DNAH11: variants seen among roughly 807,000 people sequenced by gnomAD.
The protein encoded by DNAH11 is axonemal beta dynein heavy chain 11.
Under a neutral mutation model 526.0 loss-of-function variants are expected in DNAH11, and 442 were observed. The ratio of observed to expected loss-of-function variants is 0.84; its 90% CI spans 0.78 to 0.91. The LOEUF is 0.91. DNAH11 is among the 40% of genes least tolerant of loss of function. DNAH11 has a pLI of 0.00. For synonymous variants in DNAH11, 2,461 were observed against 1,935.9 expected (o/e 1.27, Z -7.12); for missense variants, 6,989 against 5,448.7 (o/e 1.28, Z -8.90).
chr7:21,817,944 T>C (rs1476175696), intron 64 of DNAH11, among the ~76,000 whole-genome samples: 1 of 152,188 alleles, frequency 6.6e-6, no homozygotes, highest in East Asian at 1.9e-4. Context: ...TTATTTCAAC[T>C]ACAGTTGCTA....
At chr7:21,874,052 A>C (rs986895118) in intron 74 of DNAH11, among the ~76,000 whole-genome samples, 4 of 151,764 alleles carry the variant, frequency 2.6e-5, no homozygotes, top group Non-Finnish European at 5.9e-5. Flanking sequence ...CGGCCTCCCA[A>C]AGTGCTGGGA....
intron 75 of DNAH11, 80 bp from the exon 76 acceptor site, chr7:21,884,211 G>A: frequency 1.5e-6 from 2 of 1,359,842 alleles, no homozygotes; most frequent in East Asian, 5.0e-5. Context: ...CATTGTGTTA[G>A]AGGGGCACGT....
At position 21,705,667 on chromosome 7, in the gene DNAH11, TG is replaced by T. The variant is rs1305137877; in HGVS notation, c.6546+131del. ...CCCACCATAATTTTGGGTCAGAATC[TG>T]AGACTGGAATCTTGCTGCTTGATCA... On this transcript the variant is annotated intron_variant, in intron 39 of 81. Coordinates refer to ENST00000409508, the MANE Select transcript of DNAH11 (RefSeq NM_001277115.2). 4.9e-6 allele frequency: 4 copies of T among 812,834 alleles called. No individual in the cohort carries two copies. In the East Asian group the frequency reaches 1.1e-4, roughly 23 times the overall value. 50.4% of individuals were successfully genotyped at this position (812,834 alleles called of 1,614,324 possible).
At chr7:21,842,918 T>G (rs1387708068) in intron 66 of DNAH11, among the ~76,000 whole-genome samples, 170 bp downstream of exon 66, 2 of 152,224 alleles carry the variant, frequency 1.3e-5, no homozygotes. Context: ...TTGCTCTTCA[T>G]AAATGCTAGA....
chr7:21,789,058 G>A (rs555451789), intron 60 of DNAH11, among the ~76,000 whole-genome samples, 183 bp from the exon 61 acceptor site: 59 of 152,162 alleles, frequency 3.9e-4, no homozygotes, highest in Non-Finnish European at 5.1e-4. Flanking sequence ...GGAGGCTGAG[G>A]TGGGAGGATC....
In DNAH11 at chr7:21,789,297, G is replaced by A. The variant is rs1433184010; in HGVS notation, c.9981G>A (p.Leu3327=). The A allele has an allele frequency of 1.3e-6, 2 of 1,577,914 alleles. No homozygotes were observed. Among genetic ancestry groups the A allele is most frequent in the Non-Finnish European group, 1.7e-6 (2 of 1,161,354 alleles). Residue 3327 remains leucine (L), a synonymous_variant, in exon 61 of 82, where the codon CTG becomes CTA. Coordinates refer to ENST00000409508, the MANE Select transcript of DNAH11 (RefSeq NM_001277115.2). ...CATTAGCCCAAGCAAACTTAGAACT[G>A]GCTGCAGCTACTGAAAAACTAGAGG... ...RQALAQANLE[L]AAATEKLEAI...
At chr7:21,838,454 G>T (rs1425651959) in intron 65 of DNAH11, among the ~76,000 whole-genome samples, 1 of 152,164 alleles carries the variant, frequency 6.6e-6, no homozygotes, top group African/African-American at 2.4e-5. Context: ...TATATGCACA[G>T]AGTTGGGCCA....
chr7:21,799,538 A>G (rs894475785), intron 61 of DNAH11, among the ~76,000 whole-genome samples: 1 of 151,890 alleles, frequency 6.6e-6, no homozygotes, highest in African/African-American at 2.4e-5. Flanking sequence ...AGGTTTCGCC[A>G]TGTTGGCCAG....
At chr7:21,662,302 T>G (rs1034563451) in intron 30 of DNAH11, among the ~76,000 whole-genome samples, 3 of 152,146 alleles carry the variant, frequency 2.0e-5, no homozygotes, top group Admixed American at 2.0e-4. Context: ...GAAAGAATTT[T>G]GTAACATGTG....
At chr7:21,656,604 T>C (rs1387386631) in intron 29 of DNAH11, among the ~76,000 whole-genome samples, 1 of 152,164 alleles carries the variant, frequency 6.6e-6, no homozygotes, top group East Asian at 1.9e-4. Context: ...TTCTGGTGTG[T>C]TCAGATGATT....
At chr7:21,787,656 C>A in intron 60 of DNAH11, 73 bp downstream of exon 60, 4 of 1,303,150 alleles carry the variant, frequency 3.1e-6, no homozygotes, top group East Asian at 2.5e-5. Context: ...TCTAGGTCAG[C>A]GAGAAGAGTA....
intron 34 of DNAH11, among the ~76,000 whole-genome samples, chr7:21,688,535 T>G (rs1343592944): frequency 6.6e-6 from 1 of 152,170 alleles, no homozygotes; most frequent in South Asian, 2.1e-4. Context: ...ATGCCCAGGC[T>G]TCCTCTCTCC....
intron 73 of DNAH11, among the ~76,000 whole-genome samples, chr7:21,871,593 C>A (rs1783495876): frequency 6.6e-6 from 1 of 152,146 alleles, no homozygotes; most frequent in Non-Finnish European, 1.5e-5. Context: ...GTTTACAAAG[C>A]AGGTTTTATT....
Position 21,606,815 on chromosome 7 carries a change from T to G in DNAH11, c.3852+82T>G, listed in dbSNP as rs1785307770. 21 of 1,213,302 alleles carry G rather than the reference T, an allele frequency of 1.7e-5. No homozygotes were observed. The South Asian group carries it at 2.3e-4, about 13-fold the overall frequency. 75.2% of individuals were successfully genotyped at this position (1,213,302 alleles called of 1,614,324 possible). ...AGTTTAGACACAAAATACTGCCACA[T>G]TTTGTCTTTGTTTTGCTGTTATAGG... On this transcript the variant is annotated intron_variant, in intron 20 of 81. Transcript: ENST00000409508.
At chr7:21,706,451 G>A (rs1784264132) in intron 39 of DNAH11, among the ~76,000 whole-genome samples, 1 of 151,252 alleles carries the variant, frequency 6.6e-6, no homozygotes. Flanking sequence ...TGGAACAACT[G>A]TAAGAAAAAA....
intron 79 of DNAH11, 112 bp downstream of exon 79, chr7:21,895,111 A>T: frequency 3.5e-6 from 3 of 846,442 alleles, no homozygotes; most frequent in Non-Finnish European, 5.5e-6. Flanking sequence ...GACTGTTCTC[A>T]ACCTGTAACC....
chr7:21,897,110 A>G (rs1784542834), intron 79 of DNAH11, among the ~76,000 whole-genome samples: 2 of 152,116 alleles, frequency 1.3e-5, no homozygotes, highest in South Asian at 4.1e-4. Context: ...CATAATTATC[A>G]GTTCCAGGTT....
chr7:21,709,058 C>A (rs964591327), intron 40 of DNAH11, among the ~76,000 whole-genome samples: 4 of 152,172 alleles, frequency 2.6e-5, no homozygotes, highest in African/African-American at 9.7e-5. Context: ...CCGTTTGACC[C>A]AGCAATCCCA....
Position 21,741,945 on chromosome 7 carries a change from G to A in DNAH11, c.7933G>A (p.Ala2645Thr). ...PRLQRHFTVF[A>T]FNFPSLDALN... ...TTTTCAGAGACATTTCACAGTGTTT[G>A]CATTCAATTTTCCATCTTTGGATGC... The change falls in exon 49 of 82, where the codon GCA (alanine) becomes ACA (threonine). Residue 2645 changes from alanine to threonine, a missense_variant. Coordinates refer to ENST00000409508, the MANE Select transcript of DNAH11 (RefSeq NM_001277115.2). 2 of 1,613,724 alleles carry A rather than the reference G, an allele frequency of 1.2e-6. No individual in the cohort carries two copies. The highest frequency in any genetic ancestry group is 2.2e-5 in the East Asian group (1 of 44,876).
Sources: gnomAD v4.1 joint callset for allele counts (sites outside exome capture counted in the v4.1 genomes callset) on GRCh38, gnomAD v4.1.1 for gene constraint, MANE v1.5 for transcripts, NCBI Gene and HGNC (gene_info 2026-07-23, HGNC 2026-07-21) for gene names.